EYA1: variants seen among roughly 807,000 people sequenced by gnomAD.
EYA1 encodes the protein EYA transcriptional coactivator and phosphatase 1.
Under a neutral mutation model 82.0 loss-of-function variants are expected in EYA1, and 16 were observed. The ratio of observed to expected loss-of-function variants is 0.20; its 90% confidence interval spans 0.13 to 0.30. The LOEUF (loss-of-function observed/expected upper bound fraction) is 0.30, where lower values mean the gene tolerates loss of function less well. EYA1 is among the 10% of genes least tolerant of loss of function. The pLI, the probability that EYA1 is intolerant of heterozygous loss-of-function variation, is 1.00. For missense variants in EYA1, 633 were observed against 730.7 expected (o/e 0.87, Z 1.54); for synonymous variants, 261 against 264.4 (o/e 0.99, Z 0.12).
intron 3 of EYA1, among the ~76,000 whole-genome samples, chr8:71,345,413 G>C (rs1449475017): frequency 6.6e-6 from 1 of 152,200 alleles, no homozygotes; most frequent in Admixed American, 6.5e-5. Context: ...CAGAGGCATA[G>C]AGCAGTTAAG....
intron 12 of EYA1, chr8:71,225,364 C>T (rs887698357): frequency 2.2e-6 from 1 of 455,674 alleles, no homozygotes; most frequent in African/African-American, 2.0e-5. Context: ...CGCTGGCAGA[C>T]CCTGTCATCT....
intron 2 of EYA1, among the ~76,000 whole-genome samples, chr8:71,477,147 T>C (rs1452458174): frequency 1.3e-5 from 2 of 152,108 alleles, no homozygotes; most frequent in Non-Finnish European, 2.9e-5. Context: ...GGATTACATC[T>C]TCATGACCAT....
upstream of EYA1, among the ~76,000 whole-genome samples, chr8:71,363,024 T>C (rs1379489863): frequency 6.6e-6 from 1 of 152,198 alleles, no homozygotes; most frequent in Non-Finnish European, 1.5e-5. Flanking sequence ...TTGATACTAG[T>C]CACTCGTTGT....
intron 2 of EYA1, among the ~76,000 whole-genome samples, chr8:71,393,355 T>C (rs1046499174): frequency 9.9e-5 from 15 of 152,186 alleles, no homozygotes; most frequent in African/African-American, 3.6e-4. Context: ...TGCAGGTTTG[T>C]TACATATGTA....
chr8:71,459,757 A>G (rs1808229106), intron 2 of EYA1, among the ~76,000 whole-genome samples: 1 of 152,014 alleles, frequency 6.6e-6, no homozygotes, highest in Non-Finnish European at 1.5e-5. Flanking sequence ...ACTGCTCTTA[A>G]TATATTATAT....
chr8:71,448,269 T>C (rs2129176884), intron 2 of EYA1, among the ~76,000 whole-genome samples: 1 of 152,292 alleles, frequency 6.6e-6, no homozygotes, highest in Admixed American at 6.5e-5. Flanking sequence ...GATGTAATAT[T>C]CTAAATACTT....
intron 2 of EYA1, among the ~76,000 whole-genome samples, chr8:71,433,001 T>C (rs372469697): frequency 3.0e-4 from 45 of 152,318 alleles, no homozygotes; most frequent in African/African-American, 1.0e-3. Flanking sequence ...TAGAAGTGCA[T>C]ACCTTCTCTG....
At chr8:71,338,168 G>A (rs548909258) in intron 3 of EYA1, among the ~76,000 whole-genome samples, 1 of 152,310 alleles carries the variant, frequency 6.6e-6, no homozygotes, top group African/African-American at 2.4e-5. Flanking sequence ...AGAAGAATCC[G>A]AAGTAAAGGG....
chr8:71,411,566 C>T (rs868526197), intron 2 of EYA1, among the ~76,000 whole-genome samples: 4,729 of 150,312 alleles, frequency 0.031, 240 homozygotes, highest in African/African-American at 0.11. Context: ...AAAAAGTGGG[C>T]GAAGGACATG....
chr8:71,272,322 A>AG (rs1407026871), intron 9 of EYA1, among the ~76,000 whole-genome samples: 4 of 152,180 alleles, frequency 2.6e-5, no homozygotes, highest in Non-Finnish European at 5.9e-5. Context: ...AGAGGTGAAA[A>AG]GAAAAAACCA....
At chr8:71,423,746 A>G (rs749319299) in intron 2 of EYA1, among the ~76,000 whole-genome samples, 1 of 152,190 alleles carries the variant, frequency 6.6e-6, no homozygotes, top group Non-Finnish European at 1.5e-5. Context: ...TCATGTACCC[A>G]CATTTTTTTC....
rs570056310 is a variant in EYA1 at position 71,512,651 on chromosome 8, A to T, written c.33+23093T>A. 3.3e-4 allele frequency among the ~76,000 whole-genome samples: 50 copies of T among 152,092 alleles called. 2 individuals are homozygous for T. In the South Asian group the frequency reaches 6.2e-3, roughly 19 times the overall value. The stretch of plus-strand genomic sequence containing the variant: ...AAAAGATATATGAGGGACAGATTTT[A>T]AAAAAAATCTAACATAAGCATAATG... On this transcript the variant is annotated intron_variant, in intron 2 of 18. Coordinates refer to the EYA1 transcript ENST00000643681.
intron 2 of EYA1, among the ~76,000 whole-genome samples, chr8:71,491,262 C>A (rs184412380): frequency 6.6e-6 from 1 of 151,796 alleles, no homozygotes; most frequent in Admixed American, 6.6e-5. Context: ...TTAAAAAAAG[C>A]ACTAAGAGAA....
Position 71,501,778 on chromosome 8 carries a change from G to A in EYA1, c.33+33966C>T, listed in dbSNP as rs1235097436. ...TCCATATGGTTTAAAAACTCCAGCC[G>A]GAAAGTCAGTTTTTCTGGAAATGGC... On this transcript the variant is annotated intron_variant, in intron 2 of 18. Coordinates refer to the EYA1 transcript ENST00000643681. Among the ~76,000 whole-genome samples, 6 of 152,106 alleles carry A rather than the reference G, an allele frequency of 3.9e-5. 1 individual carries two copies. Among genetic ancestry groups the A allele is most frequent in the South Asian group, 4.1e-4 (2 of 4,824 alleles).
chr8:71,362,668 A>G (rs1827505378), upstream of EYA1, among the ~76,000 whole-genome samples: 1 of 152,220 alleles, frequency 6.6e-6, no homozygotes, highest in Non-Finnish European at 1.5e-5. Flanking sequence ...TAGAATGGCA[A>G]ATCTTCTGTG....
At chr8:71,460,809 G>A (rs1000659428) in intron 2 of EYA1, among the ~76,000 whole-genome samples, 1 of 152,166 alleles carries the variant, frequency 6.6e-6, no homozygotes, top group Non-Finnish European at 1.5e-5. Flanking sequence ...TAGACAGCTC[G>A]ACTTTAGCAA....
At chr8:71,465,739 T>TC (rs1808724250) in intron 2 of EYA1, among the ~76,000 whole-genome samples, 2 of 152,340 alleles carry the variant, frequency 1.3e-5, no homozygotes, top group East Asian at 1.9e-4. Context: ...TTTGAATGTG[T>TC]CCCCTCCAAA....
At chr8:71,458,326 G>A (rs1268408229) in intron 2 of EYA1, among the ~76,000 whole-genome samples, 1 of 151,898 alleles carries the variant, frequency 6.6e-6, no homozygotes, top group Non-Finnish European at 1.5e-5. Flanking sequence ...AGAATTACAG[G>A]GGTACTTCCT....
chr8:71,279,251 C>T (rs561276134), intron 9 of EYA1, among the ~76,000 whole-genome samples: 2 of 152,162 alleles, frequency 1.3e-5, no homozygotes, highest in African/African-American at 2.4e-5. Flanking sequence ...AATGTAGATT[C>T]CATCATGTTC....
Sources: gnomAD v4.1 joint callset for allele counts (sites outside exome capture counted in the v4.1 genomes callset) on GRCh38, gnomAD v4.1.1 for gene constraint, MANE v1.5 for transcripts, NCBI Gene and HGNC (gene_info 2026-07-23, HGNC 2026-07-21) for gene names.